DOCK2: variants seen among roughly 807,000 people sequenced by gnomAD.
The protein encoded by DOCK2 is dedicator of cytokinesis 2.
In DOCK2, 87 loss-of-function variants were observed where a neutral mutation model predicts 248.9. The observed-to-expected ratio is 0.35, with a 90% CI of 0.29 to 0.42. DOCK2 has a LOEUF of 0.42. Among genes scored for constraint, DOCK2 ranks in the 10% least tolerant of loss-of-function variants. The probability of loss-of-function intolerance (pLI) is 1.00; values close to 1 mark genes in which losing one functional copy is unlikely to be tolerated. For missense variants in DOCK2, 1,747 were observed against 2,300.2 expected (o/e 0.76, Z 4.92); for synonymous variants, 805 against 821.6 (o/e 0.98, Z 0.35).
chr5:170,063,769 C>T (rs779295389), intron 44 of DOCK2, among the ~76,000 whole-genome samples: 6 of 152,084 alleles, frequency 3.9e-5, no homozygotes, highest in Non-Finnish European at 7.4e-5. Context: ...GGCCCTAGAC[C>T]ACAGCAAAAA....
intron 25 of DOCK2, chr5:169,773,082 C>T (rs1185421134): frequency 2.0e-5 from 3 of 152,224 alleles, no homozygotes; most frequent in Non-Finnish European, 1.5e-5. Context: ...AGCACCAAAA[C>T]GTCCCTTCCA....
chr5:169,922,534 A>G (rs138697187), intron 27 of DOCK2, among the ~76,000 whole-genome samples: 15 of 152,358 alleles, frequency 9.8e-5, no homozygotes, highest in Non-Finnish European at 4.4e-5. Flanking sequence ...TCACCTTTGA[A>G]TAATACCAAC....
At chr5:169,916,276 C>T (rs1774871139) in intron 27 of DOCK2, among the ~76,000 whole-genome samples, 1 of 152,242 alleles carries the variant, frequency 6.6e-6, no homozygotes, top group Middle Eastern at 3.4e-3. Flanking sequence ...TGTGTTTGTC[C>T]AACAGGAGCC....
chr5:169,825,691 G>T lies in DOCK2; in HGVS notation c.2704-15066G>T, dbSNP rs552590721. 7.8e-4 allele frequency among the ~76,000 whole-genome samples: 118 copies of T among 151,332 alleles called. 1 individual carries two copies. Among genetic ancestry groups the T allele is most frequent in the African/African-American group, 2.7e-3 (110 of 41,122 alleles). On this transcript the variant is annotated intron_variant, in intron 26 of 51. Coordinates refer to ENST00000520908, the MANE Select transcript of DOCK2 (RefSeq NM_004946.3). Reference sequence around the variant, plus strand: ...TGTAAATGATGAGTTAACAGGTGCAGCACACCAACATGTCACATGTATACA... The same window carrying T: ...TGTAAATGATGAGTTAACAGGTGCATCACACCAACATGTCACATGTATACA...
intron 49 of DOCK2, 31 bp from the exon 50 acceptor site, chr5:170,080,132 G>T: frequency 1.9e-6 from 3 of 1,611,438 alleles, no homozygotes; most frequent in Non-Finnish European, 2.5e-6. Flanking sequence ...GTCTTTGTGT[G>T]TGTGTGTGTG....
At chr5:170,027,797 G>A in intron 33 of DOCK2, 66 bp from the exon 34 acceptor site, 2 of 1,456,156 alleles carry the variant, frequency 1.4e-6, no homozygotes, top group Non-Finnish European at 1.9e-6. Flanking sequence ...TTGAAATAAT[G>A]AATTGACTAA....
chr5:169,681,246 C>T (rs1182241645), intron 6 of DOCK2, among the ~76,000 whole-genome samples: 1 of 151,080 alleles, frequency 6.6e-6, no homozygotes, highest in Non-Finnish European at 1.5e-5. Context: ...GTCTCAGCCT[C>T]CCGAGTAGCT....
chr5:169,987,315 C>T (rs1433561040), intron 29 of DOCK2, among the ~76,000 whole-genome samples: 2 of 152,194 alleles, frequency 1.3e-5, no homozygotes, highest in Non-Finnish European at 2.9e-5. Context: ...ACCTCTGCGG[C>T]CAGCCAAATG....
chr5:169,909,210 T>A (rs1481416598), intron 27 of DOCK2, among the ~76,000 whole-genome samples: 2 of 152,226 alleles, frequency 1.3e-5, no homozygotes, highest in East Asian at 3.8e-4. Context: ...TTGTACCACA[T>A]GAAGCTATCT....
intron 2 of DOCK2, among the ~76,000 whole-genome samples, chr5:169,656,854 C>T (rs1023930893): frequency 5.9e-5 from 9 of 152,196 alleles, no homozygotes; most frequent in Non-Finnish European, 8.8e-5. Context: ...CTGACCTTTA[C>T]GAAGGCTACT....
Position 170,040,950 on chromosome 5 carries a change from C to T in DOCK2, c.3666-105C>T, listed in dbSNP as rs1046151817. ...TTATCCAGGGAGGAGGACTTTCTTG[C>T]GACCCAGAGAGGTGCCCAGTTGTTC... is the stretch of plus-strand genomic sequence containing the variant. On this transcript the variant is annotated intron_variant, in intron 36 of 51. Transcript: ENST00000520908. 209 of 975,812 alleles carry T rather than the reference C, an allele frequency of 2.1e-4. 3 individuals are homozygous for T. The highest frequency in any genetic ancestry group is 3.9e-4 in the East Asian group (16 of 40,964). The allele number at this position is 975,812 out of a possible 1,614,324, so 60.4% of individuals were successfully genotyped here.
At chr5:169,751,610 C>G (rs921368396) in intron 23 of DOCK2, among the ~76,000 whole-genome samples, 2 of 152,178 alleles carry the variant, frequency 1.3e-5, no homozygotes, top group Non-Finnish European at 2.9e-5. Context: ...CAGCTGTGTC[C>G]ACTGTTAACT....
chr5:169,695,674 T>C (rs1760574366), intron 9 of DOCK2, 129 bp from the exon 10 acceptor site: 4 of 1,292,718 alleles, frequency 3.1e-6, no homozygotes, highest in South Asian at 2.9e-5. Flanking sequence ...CAGGACTTAT[T>C]GTATGATTGG....
chr5:169,665,527 T>A (rs1227701065), intron 2 of DOCK2, among the ~76,000 whole-genome samples: 1 of 152,118 alleles, frequency 6.6e-6, no homozygotes, highest in Non-Finnish European at 1.5e-5. Context: ...GAAATAAAAA[T>A]TTCTAGTGCA....
At chr5:169,896,419 C>T (rs1773611862) in intron 27 of DOCK2, among the ~76,000 whole-genome samples, 2 of 152,146 alleles carry the variant, frequency 1.3e-5, no homozygotes, top group South Asian at 4.1e-4. Flanking sequence ...CCATTTTCTG[C>T]ATCTTTGTTG....
Position 169,698,469 on chromosome 5 carries a change from T to C in DOCK2, c.1055+20T>C. On this transcript the variant is annotated intron_variant, in intron 11 of 51. Coordinates refer to ENST00000520908, the MANE Select transcript of DOCK2 (RefSeq NM_004946.3). Reference sequence around the variant, plus strand: ...TCACCCGTAAGACATTTCCCATTTCTTTCCATTCTCTTCAACCACACCCTT... The same window carrying C: ...TCACCCGTAAGACATTTCCCATTTCCTTCCATTCTCTTCAACCACACCCTT... 1.2e-6 allele frequency: 2 copies of C among 1,613,438 alleles called. No homozygotes were observed. The highest frequency in any genetic ancestry group is 1.7e-6 in the Non-Finnish European group (2 of 1,179,424).
At chr5:169,871,571 A>G (rs566149653) in intron 27 of DOCK2, among the ~76,000 whole-genome samples, 64 of 152,376 alleles carry the variant, frequency 4.2e-4, no homozygotes, top group African/African-American at 1.4e-3. Flanking sequence ...AAGGGCATGT[A>G]AATATAAGTG....
chr5:169,961,054 C>A (rs959022722), intron 27 of DOCK2, among the ~76,000 whole-genome samples: 2 of 152,162 alleles, frequency 1.3e-5, no homozygotes, highest in Non-Finnish European at 2.9e-5. Flanking sequence ...GGTAAACACC[C>A]CAGTATATTG....
At chr5:169,664,502 T>A (rs950616355) in intron 2 of DOCK2, among the ~76,000 whole-genome samples, 10 of 152,214 alleles carry the variant, frequency 6.6e-5, no homozygotes, top group Non-Finnish European at 1.2e-4. Flanking sequence ...CACACTGTTA[T>A]AAAGAACTAC....
Sources: allele counts gnomAD v4.1 joint callset (sites outside exome capture counted in the v4.1 genomes callset), GRCh38; gene constraint gnomAD v4.1.1; transcripts MANE v1.5; gene names NCBI Gene and HGNC (gene_info 2026-07-23, HGNC 2026-07-21).